ACADL: variants seen among roughly 807,000 people sequenced by gnomAD.
ACADL encodes the protein acyl-CoA dehydrogenase long chain, also known as long-chain specific acyl-CoA dehydrogenase, mitochondrial.
ACADL carries 60 observed loss-of-function variants against 56.9 expected under a neutral mutation model. That is an observed-to-expected ratio of 1.05 (90% CI 0.86 to 1.31). The LOEUF is 1.31. Among genes scored for constraint, ACADL ranks in the 50% most tolerant of loss-of-function variants. ACADL has a pLI of 0.00. For synonymous variants in ACADL, 158 were observed against 179.7 expected, an observed-to-expected ratio of 0.88 and a Z score of 0.97; for missense variants, 484 against 525.5, an observed-to-expected ratio of 0.92 and a Z score of 0.77.
chr2:210,210,337 G>C, intron 4 of ACADL, 75 bp from the exon 5 acceptor site: 2 of 1,136,114 alleles, frequency 1.8e-6, no homozygotes, highest in Non-Finnish European at 2.6e-6. Context: ...AAGTATGTAT[G>C]TAAATTAGAT....
At chr2:210,205,598 T>A (rs771285886) in intron 6 of ACADL, 34 bp downstream of exon 6, 1 of 1,605,160 alleles carries the variant, frequency 6.2e-7, no homozygotes, top group Non-Finnish European at 8.5e-7. Context: ...GTAAACTCAA[T>A]TAGTATCTGA....
chr2:210,198,981 A>T lies in ACADL; in HGVS notation c.985-3643T>A, dbSNP rs572641744. Among the ~76,000 whole-genome samples, 6 of 152,258 alleles carry T rather than the reference A, an allele frequency of 3.9e-5. No homozygotes were observed. The South Asian group carries it at 8.3e-4, about 21-fold the overall frequency. ...CTAAAAAGAAAATAAATTTTGTGAC[A>T]TGCATTTCAACTGGTCAGAAAGCCC... On this transcript the variant is annotated intron_variant, in intron 8 of 10. Transcript: ENST00000233710.
At chr2:210,225,057 G>C (rs1689246572) in intron 1 of ACADL, 130 bp downstream of exon 1, 1 of 1,494,750 alleles carries the variant, frequency 6.7e-7, no homozygotes, top group South Asian at 1.3e-5. Flanking sequence ...GCTCTAGCCC[G>C]GCGCCGGAGT....
chr2:210,204,515 G>A (rs1025946519), intron 7 of ACADL, 66 bp downstream of exon 7: 13 of 1,191,608 alleles, frequency 1.1e-5, no homozygotes, highest in Non-Finnish European at 1.5e-5. Context: ...GAAATAACAT[G>A]TTTCTATATT....
chr2:210,220,089 A>G (rs1468579796), intron 2 of ACADL, among the ~76,000 whole-genome samples: 1 of 152,200 alleles, frequency 6.6e-6, no homozygotes, highest in Non-Finnish European at 1.5e-5. Context: ...CAGTGTTAAC[A>G]TAATAACAAT....
At chr2:210,189,288 A>C in intron 10 of ACADL, among the ~76,000 whole-genome samples, 1 of 152,176 alleles carries the variant, frequency 6.6e-6, no homozygotes, top group East Asian at 1.9e-4. Flanking sequence ...AAGAGATTAC[A>C]AATTCAAAAT....
chr2:210,225,107 A>T, intron 1 of ACADL, 80 bp downstream of exon 1: 2 of 1,522,656 alleles, frequency 1.3e-6, no homozygotes, highest in South Asian at 2.4e-5. Flanking sequence ...GCCCTGCTTC[A>T]AGCCAGCGAC....
intron 2 of ACADL, among the ~76,000 whole-genome samples, chr2:210,220,067 A>G (rs544306939): frequency 8.1e-4 from 124 of 152,230 alleles, no homozygotes; most frequent in African/African-American, 3.0e-3. Context: ...TGTTTTTATA[A>G]TAACATAGTA....
At chr2:210,224,815 C>G (rs1689239868) in intron 1 of ACADL, 11 of 1,006,242 alleles carry the variant, frequency 1.1e-5, no homozygotes, top group African/African-American at 1.7e-5. Context: ...CTCCTGCAGC[C>G]GGGCCCAGGG....
At chr2:210,218,594 CTTA>C (rs941588965) in intron 2 of ACADL, 2 of 155,786 alleles carry the variant, frequency 1.3e-5, no homozygotes, top group African/African-American at 4.8e-5. Flanking sequence ...GCCCTCTCCT[CTTA>C]TTTATATTTG....
chr2:210,192,650 T>C (rs976970321), intron 10 of ACADL, among the ~76,000 whole-genome samples, 154 bp downstream of exon 10: 1 of 152,146 alleles, frequency 6.6e-6, no homozygotes, highest in Non-Finnish European at 1.5e-5. Flanking sequence ...AAAAAAAAGC[T>C]GTTTCCATTT....
intron 1 of ACADL, among the ~76,000 whole-genome samples, chr2:210,223,999 G>A (rs1162614988): frequency 3.3e-5 from 5 of 151,928 alleles, no homozygotes; most frequent in Non-Finnish European, 7.4e-5. Context: ...AGACCGAGGC[G>A]GGCAGATCAC....
intron 1 of ACADL, chr2:210,224,531 A>G (rs1689234441): frequency 8.1e-6 from 8 of 985,438 alleles, no homozygotes; most frequent in Non-Finnish European, 9.6e-6. Context: ...TGATCATATT[A>G]TAAACACCAC....
intron 2 of ACADL, among the ~76,000 whole-genome samples, chr2:210,219,413 A>G (rs987088446): frequency 6.6e-6 from 1 of 152,128 alleles, no homozygotes; most frequent in Non-Finnish European, 1.5e-5. Flanking sequence ...GCAGTGAGCT[A>G]TGATCATGCC....
At position 210,212,794 on chromosome 2, in the gene ACADL, G is replaced by C. The variant is rs999254527; in HGVS notation, c.537-2532C>G. On this transcript the variant is annotated intron_variant, in intron 4 of 10. Coordinates refer to ENST00000233710, the MANE Select transcript of ACADL (RefSeq NM_001608.4). ...TAGCATGCTGCTTTGTACATAACGG[G>C]CACTCAATAAACATTTGTTAAATTA... Among the ~76,000 whole-genome samples, 9 of 151,902 alleles carry C rather than the reference G, an allele frequency of 5.9e-5. 1 individual carries two copies. In the South Asian group the frequency reaches 1.9e-3, roughly 32 times the overall value.
intron 4 of ACADL, among the ~76,000 whole-genome samples, chr2:210,211,658 C>A (rs1688981754): frequency 6.6e-6 from 1 of 152,140 alleles, no homozygotes; most frequent in South Asian, 2.1e-4. Flanking sequence ...TGCCTTCTGC[C>A]ATGACTGTAA....
intron 8 of ACADL, 39 bp downstream of exon 8, chr2:210,203,292 C>T (rs1426762728): frequency 5.0e-6 from 7 of 1,390,006 alleles, no homozygotes; most frequent in Non-Finnish European, 7.2e-6. Flanking sequence ...GATTAGTAAA[C>T]TGATACCATC....
chr2:210,210,059 G>C, intron 5 of ACADL, 137 bp downstream of exon 5: 1 of 721,792 alleles, frequency 1.4e-6, no homozygotes, highest in Non-Finnish European at 2.5e-6. Context: ...TAAATTTACT[G>C]TCTCCAAAAC....
intron 9 of ACADL, 86 bp from the exon 10 acceptor site, chr2:210,192,976 C>A (rs1688659045): frequency 3.9e-6 from 4 of 1,021,782 alleles, no homozygotes; most frequent in Non-Finnish European, 6.1e-6. Flanking sequence ...TAATTATTTA[C>A]AATTGTTTAA....
Sources: gnomAD v4.1 joint callset for allele counts (sites outside exome capture counted in the v4.1 genomes callset) on GRCh38, gnomAD v4.1.1 for gene constraint, MANE v1.5 for transcripts, NCBI Gene and HGNC (gene_info 2026-07-23, HGNC 2026-07-21) for gene names.